PPP1R21: variants seen among roughly 807,000 people sequenced by gnomAD.
The protein encoded by PPP1R21 is protein phosphatase 1 regulatory subunit 21, also known as KLRAQ motif containing 1.
A neutral mutation model predicts 112.8 loss-of-function variants in PPP1R21; 85 were observed. The ratio of observed to expected loss-of-function variants is 0.75; its 90% CI spans 0.63 to 0.90. The LOEUF (loss-of-function observed/expected upper bound fraction) is 0.90, where lower values mean the gene tolerates loss of function less well. Among genes scored for constraint, PPP1R21 ranks in the 40% least tolerant of loss-of-function variants. The pLI is 0.00. For missense variants in PPP1R21, 1,199 were observed against 901.5 expected (o/e 1.33, Z -4.23); for synonymous variants, 381 against 322.3 (o/e 1.18, Z -1.95).
intron 17 of PPP1R21, among the ~76,000 whole-genome samples, chr2:48,502,711 C>T (rs1231561567): frequency 6.2e-5 from 8 of 129,148 alleles, no homozygotes; most frequent in African/African-American, 1.8e-4. Flanking sequence ...GACGGAGTCT[C>T]GCTCTGTGGC....
At chr2:48,496,489 A>G (rs1440872396) in intron 16 of PPP1R21, among the ~76,000 whole-genome samples, 46 of 140,530 alleles carry the variant, frequency 3.3e-4, no homozygotes, top group South Asian at 4.5e-4. Context: ...TTTTTTTGAG[A>G]TGGAGTCTCA....
intron 14 of PPP1R21, among the ~76,000 whole-genome samples, chr2:48,490,432 C>G (rs1247728426): frequency 6.6e-6 from 1 of 152,078 alleles, no homozygotes; most frequent in Non-Finnish European, 1.5e-5. Context: ...GCCACAGATT[C>G]AAAATCATGG....
intron 17 of PPP1R21, among the ~76,000 whole-genome samples, chr2:48,500,836 G>A (rs1670078154): frequency 2.0e-5 from 3 of 152,136 alleles, no homozygotes; most frequent in South Asian, 4.1e-4. Flanking sequence ...TTGAACCTGG[G>A]AGGCGGAGGT....
chr2:48,474,406 G>A (rs1474545297), intron 11 of PPP1R21, among the ~76,000 whole-genome samples: 1 of 152,146 alleles, frequency 6.6e-6, no homozygotes, highest in Non-Finnish European at 1.5e-5. Flanking sequence ...AAGAACATTA[G>A]AAATATTCTA....
intron 17 of PPP1R21, 152 bp downstream of exon 17, chr2:48,498,887 C>A: frequency 2.4e-6 from 2 of 837,502 alleles, no homozygotes; most frequent in Non-Finnish European, 3.7e-6. Context: ...AAATTTATTT[C>A]TCCCAGTTCT....
chr2:48,469,377 T>G (rs200679098), intron 9 of PPP1R21, among the ~76,000 whole-genome samples: 777 of 8,588 alleles, frequency 0.09, 64 homozygotes, highest in African/African-American at 0.097. Context: ...TATATATATA[T>G]AGCATATATA....
At position 48,461,188 on chromosome 2, in the gene PPP1R21, A is replaced by C; in HGVS notation, c.650A>C (p.Glu217Ala). 6.3e-7 allele frequency: 1 copy of C among 1,582,980 alleles called. No individual in the cohort carries two copies. ...LHEDLSGRLE[E>A]SLSIINEKVP... The stretch of plus-strand genomic sequence containing the variant: ...GAAGATTTGTCAGGTAGATTAGAGG[A>C]ATCCTTATCAATCATCAATGAAAAA... The change falls in exon 7 of 22, where the codon GAA becomes GCA. Residue 217 changes from glutamate to alanine, a missense_variant. By Grantham distance (107) the Glu-to-Ala change is moderately radical. Coordinates refer to ENST00000294952, the MANE Select transcript of PPP1R21 (RefSeq NM_001135629.3).
At chr2:48,505,827 A>T (rs1670349436) in intron 18 of PPP1R21, among the ~76,000 whole-genome samples, 1 of 152,110 alleles carries the variant, frequency 6.6e-6, no homozygotes. Flanking sequence ...TAATTGCCTT[A>T]TTGAGTGACT....
At chr2:48,460,042 T>C in intron 5 of PPP1R21, 53 bp from the exon 6 acceptor site, 2 of 1,607,176 alleles carry the variant, frequency 1.2e-6, no homozygotes, top group Non-Finnish European at 1.7e-6. Context: ...CTAAGTGTGC[T>C]CCTATCTGTC....
At chr2:48,484,883 C>T (rs774567513) in intron 13 of PPP1R21, among the ~76,000 whole-genome samples, 4 of 152,134 alleles carry the variant, frequency 2.6e-5, no homozygotes, top group Admixed American at 2.6e-4. Context: ...TAGTATTGTA[C>T]TTTTTTCATG....
intron 2 of PPP1R21, among the ~76,000 whole-genome samples, chr2:48,452,443 G>A (rs1667518136): frequency 1.3e-5 from 2 of 151,970 alleles, no homozygotes; most frequent in East Asian, 1.9e-4. Flanking sequence ...TGGGATAGAT[G>A]TTTTCTGAAA....
intron 18 of PPP1R21, among the ~76,000 whole-genome samples, chr2:48,506,013 C>G (rs1056594045): frequency 6.6e-6 from 1 of 152,278 alleles, no homozygotes; most frequent in Non-Finnish European, 1.5e-5. Context: ...TTCTTGCCCA[C>G]AAAGCAAGTG....
chr2:48,475,410 A>G (rs529962477), intron 12 of PPP1R21, among the ~76,000 whole-genome samples: 1 of 152,188 alleles, frequency 6.6e-6, no homozygotes, highest in African/African-American at 2.4e-5. Context: ...GCATGCATTA[A>G]ATATTAATTC....
rs989639063 is a variant in PPP1R21, at chr2:48,510,018, C to T, written c.2089C>T (p.Arg697Ter). Residue 697 changes from arginine to a stop codon, truncating the protein, a stop_gained, in exon 20 of 22, where the codon CGA (arginine) becomes TGA (stop). Coordinates refer to ENST00000294952, the MANE Select transcript of PPP1R21 (RefSeq NM_001135629.3). LOFTEE classifies it high-confidence loss of function. ...GGAATGTTTTCTGATTTTACAGTGC[C>T]GAGCACTGTCTAAAAGACTGGCCTT... ...SKSVHFYAECRALSKRLALAE... is the reference protein window; with the variant it reads ...SKSVHFYAEC 1.9e-6 allele frequency: 3 copies of T among 1,610,890 alleles called. No individual in the cohort carries two copies. The highest frequency in any genetic ancestry group is 1.7e-6 in the Non-Finnish European group (2 of 1,177,670).
intron 15 of PPP1R21, among the ~76,000 whole-genome samples, chr2:48,494,239 CAAAAAAAAAAAAAAAAAAAAAAAAA>C (rs70943345): frequency 7.1e-5 from 3 of 42,250 alleles, no homozygotes; most frequent in African/African-American, 1.2e-4. Flanking sequence ...GACCTTGTCT[CAAAAAAAAAAAAAAAAAAAAAAAAA>C]AAAAAAAAAA....
intron 4 of PPP1R21, among the ~76,000 whole-genome samples, chr2:48,459,194 C>A (rs1417228880): frequency 6.6e-6 from 1 of 151,384 alleles, no homozygotes; most frequent in East Asian, 1.9e-4. Flanking sequence ...CACACACACA[C>A]ACAAACAGAC....
At position 48,474,516 on chromosome 2, in the gene PPP1R21, A is replaced by G. The variant is rs534702441; in HGVS notation, c.1089-167A>G. ...TATTCCATTGGTATTTGCAGCAAGC[A>G]GTGTATGTATCATGATGTAAAAAAA... On this transcript the variant is annotated intron_variant, in intron 11 of 21. Transcript: ENST00000294952. Among the ~76,000 whole-genome samples, 62 of 152,324 alleles carry G rather than the reference A, an allele frequency of 4.1e-4. 1 individual carries two copies. Among genetic ancestry groups the G allele is most frequent in the Non-Finnish European group, 5.6e-4 (38 of 68,010 alleles).
At chr2:48,458,101 G>C in intron 3 of PPP1R21, 25 bp from the exon 4 acceptor site, 1 of 1,433,542 alleles carries the variant, frequency 7.0e-7, no homozygotes, top group Non-Finnish European at 9.8e-7. Context: ...AAAGTTATGT[G>C]GACATAACTT....
chr2:48,469,512 A>G (rs1304981884), intron 9 of PPP1R21, among the ~76,000 whole-genome samples: 1 of 4,224 alleles, frequency 2.4e-4, no homozygotes, highest in African/African-American at 1.7e-3. Context: ...TATAGAGCAT[A>G]TATATATATA....
Sources: allele counts gnomAD v4.1 joint callset (sites outside exome capture counted in the v4.1 genomes callset), GRCh38; gene constraint gnomAD v4.1.1; transcripts MANE v1.5; gene names NCBI Gene and HGNC (gene_info 2026-07-23, HGNC 2026-07-21).